Variants in LRP6 observed in about 807,000 individuals in gnomAD.
LRP6 encodes the protein LDL receptor related protein 6.
A neutral mutation model predicts 184.1 loss-of-function variants in LRP6; 43 were observed. The ratio of observed to expected loss-of-function variants is 0.23; its 90% CI spans 0.18 to 0.30. LRP6 has a LOEUF of 0.30. LRP6 is among the 10% of genes least tolerant of loss of function. The pLI is 1.00. For missense variants in LRP6, 1,571 were observed against 2,005.3 expected (o/e 0.78, Z 4.14); for synonymous variants, 719 against 684.9 (o/e 1.05, Z -0.78).
At chr12:12,152,331 T>G (rs1591890898) in intron 12 of LRP6, among the ~76,000 whole-genome samples, 2 of 152,060 alleles carry the variant, frequency 1.3e-5, no homozygotes, top group East Asian at 3.9e-4. Flanking sequence ...CGCATGAAAA[T>G]GAACTAATGC....
rs185314290 is a variant in LRP6 at position 12,190,270 on chromosome 12, A to C, written c.648-3151T>G. 1.5e-3 allele frequency among the ~76,000 whole-genome samples: 227 copies of C among 152,256 alleles called. 1 individual carries two copies. Among genetic ancestry groups the C allele is most frequent in the Non-Finnish European group, 2.6e-3 (180 of 68,014 alleles). On this transcript the variant is annotated intron_variant, in intron 3 of 22. Coordinates refer to ENST00000261349, the MANE Select transcript of LRP6 (RefSeq NM_002336.3). ...CTCCTGATCCCCATCTGGAAACACA[A>C]GTTACTTCAAGGAGGAGTTGATCAT...
chr12:12,185,057 G>A (rs1175573438), intron 4 of LRP6, among the ~76,000 whole-genome samples: 2 of 152,182 alleles, frequency 1.3e-5, no homozygotes, highest in East Asian at 1.9e-4. Context: ...CACTTTGGGA[G>A]GCCTAGGTGC....
rs869320638 is a variant in LRP6 at position 12,179,949 on chromosome 12, G to A, written c.1406C>T (p.Pro469Leu). The A allele has an allele frequency of 6.2e-7, 1 of 1,613,534 alleles. No individual in the cohort carries two copies. Among genetic ancestry groups the A allele is most frequent in the Non-Finnish European group, 8.5e-7 (1 of 1,179,822 alleles). Reference protein sequence around the residue: ...YMYWTDWGEIPKIERAALDGS... With the variant: ...YMYWTDWGEILKIERAALDGS... ...ATCCAGAGCTGCTCGCTCAATTTTC[G>A]GAATTTCTCCCCAGTCAGTCCAATA... The change falls in exon 7 of 23, where the codon CCG (proline) becomes CTG (leucine). Residue 469 changes from proline (P) to leucine (L), a missense_variant. Physicochemically the swap from Pro to Leu is moderately conservative, Grantham distance 98 (BLOSUM62 -3). Transcript: ENST00000261349.
rs1565536633 is a variant in LRP6, at chr12:12,131,338, G to T, written c.3971-445C>A. ...TTAGCCAGGATGGTCTCTATCTCCTGACCTCGTGATCCGCCCGCCTCGGCC... is the reference window on the plus strand; with the variant it reads ...TTAGCCAGGATGGTCTCTATCTCCTTACCTCGTGATCCGCCCGCCTCGGCC... On this transcript the variant is annotated intron_variant, in intron 18 of 22. Coordinates refer to ENST00000261349, the MANE Select transcript of LRP6 (RefSeq NM_002336.3). 3.3e-5 allele frequency among the ~76,000 whole-genome samples: 5 copies of T among 151,950 alleles called. No individual in the cohort carries two copies. In the South Asian group the frequency reaches 1.0e-3, roughly 32 times the overall value.
intron 19 of LRP6, among the ~76,000 whole-genome samples, chr12:12,127,668 A>G (rs1949691464): frequency 6.6e-6 from 1 of 152,186 alleles, no homozygotes; most frequent in Non-Finnish European, 1.5e-5. Flanking sequence ...GAGGGCATCA[A>G]TATCAGAGGT....
Position 12,126,834 on chromosome 12 carries a change from A to ACAG in LRP6, c.4166_4168dup (p.Thr1389_Val1390insAla). On this transcript the variant is annotated inframe_insertion, in exon 20 of 23. Transcript: ENST00000261349. ...CAACATCCTCTGGCAGATAAAGTAT[A>ACAG]CAGTTCCAGACACAAAAATGGTGAC... The ACAG allele has an allele frequency of 6.2e-7, 1 of 1,614,178 alleles. No individual in the cohort carries two copies. Among genetic ancestry groups the ACAG allele is most frequent in the Non-Finnish European group, 8.5e-7 (1 of 1,179,998 alleles).
At chr12:12,136,447 G>T (rs1949840925) in intron 16 of LRP6, among the ~76,000 whole-genome samples, 1 of 152,208 alleles carries the variant, frequency 6.6e-6, no homozygotes, top group Non-Finnish European at 1.5e-5. Context: ...AAGGTAACTT[G>T]TAATACTATA....
intron 2 of LRP6, among the ~76,000 whole-genome samples, chr12:12,227,877 T>C (rs1864671780): frequency 6.6e-6 from 1 of 152,166 alleles, no homozygotes; most frequent in African/African-American, 2.4e-5. Context: ...CTGTTGTAAG[T>C]CCAAAACTGT....
At chr12:12,175,367 C>T (rs1416915694) in intron 7 of LRP6, among the ~76,000 whole-genome samples, 3 of 151,602 alleles carry the variant, frequency 2.0e-5, no homozygotes, top group African/African-American at 7.3e-5. Context: ...CCAGCCTGGG[C>T]GACAGAGTGA....
chr12:12,173,896 T>TA (rs1023025732), intron 7 of LRP6, among the ~76,000 whole-genome samples: 141 of 152,278 alleles, frequency 9.3e-4, no homozygotes, highest in African/African-American at 3.1e-3. Flanking sequence ...CAATGAACAT[T>TA]AAGTCCAAAC....
At chr12:12,218,476 CAATAAT>C (rs71435901) in intron 2 of LRP6, among the ~76,000 whole-genome samples, 9,463 of 139,874 alleles carry the variant, frequency 0.068, 416 homozygotes, top group Admixed American at 0.12. Context: ...GACCCTCTCT[CAATAAT>C]AATAATAATA....
Position 12,184,053 on chromosome 12 carries a change from T to G in LRP6, c.903A>C (p.Pro301=), listed in dbSNP as rs1285233915. ...AAGCACACTGATAAAAAGGCTTGACTGGAGACATCAAACACAAATGGGAAC... is the reference window on the plus strand; with the variant it reads ...AAGCACACTGATAAAAAGGCTTGACGGGAGACATCAAACACAAATGGGAAC... ...GGCSHLCLMS[P]VKPFYQCACP... Residue 301 remains proline (P), a synonymous_variant, in exon 5 of 23, where the codon CCA becomes CCC. Transcript: ENST00000261349. 6.2e-7 allele frequency: 1 copy of G among 1,613,770 alleles called. No individual in the cohort carries two copies. Among genetic ancestry groups the G allele is most frequent in the Non-Finnish European group, 8.5e-7 (1 of 1,179,636 alleles).
intron 1 of LRP6, among the ~76,000 whole-genome samples, chr12:12,251,357 T>G (rs532233279): frequency 1.3e-5 from 2 of 151,802 alleles, no homozygotes; most frequent in African/African-American, 4.8e-5. Context: ...CAGTTATTAG[T>G]TTGTCTTTTT....
At chr12:12,227,749 CA>C (rs1057304483) in intron 2 of LRP6, among the ~76,000 whole-genome samples, 1 of 151,902 alleles carries the variant, frequency 6.6e-6, no homozygotes, top group Non-Finnish European at 1.5e-5. Flanking sequence ...ACAGTTTGTT[CA>C]AAATAGTAAC....
chr12:12,168,926 A>C (rs570187076), intron 7 of LRP6, among the ~76,000 whole-genome samples: 1 of 152,178 alleles, frequency 6.6e-6, no homozygotes, highest in Non-Finnish European at 1.5e-5. Flanking sequence ...CAAACATGTT[A>C]ATATTTCTGC....
intron 17 of LRP6, among the ~76,000 whole-genome samples, chr12:12,133,925 T>C (rs934873780): frequency 6.9e-6 from 1 of 145,816 alleles, no homozygotes; most frequent in Non-Finnish European, 1.5e-5. Flanking sequence ...TCAATGACAT[T>C]AAGTACATTC....
At chr12:12,241,704 CAA>C (rs1466596725) in intron 2 of LRP6, among the ~76,000 whole-genome samples, 4 of 152,132 alleles carry the variant, frequency 2.6e-5, no homozygotes, top group Non-Finnish European at 5.9e-5. Context: ...AAAAATAATA[CAA>C]AATATTTCAC....
chr12:12,138,549 A>G lies in LRP6; in HGVS notation c.3398-15T>C. On this transcript the variant is annotated splice_polypyrimidine_tract_variant and intron_variant, in intron 15 of 22. Coordinates refer to ENST00000261349, the MANE Select transcript of LRP6 (RefSeq NM_002336.3). ...CCGGTTAGCACCTTGGAAAAGGAGA[A>G]AATTCAACAGAAATGACTCATGTGG... 6.2e-7 allele frequency: 1 copy of G among 1,605,206 alleles called. No individual in the cohort carries two copies. Among genetic ancestry groups the G allele is most frequent in the East Asian group, 2.2e-5 (1 of 44,824 alleles).
intron 7 of LRP6, among the ~76,000 whole-genome samples, chr12:12,166,963 G>T (rs1225913747): frequency 3.9e-5 from 6 of 152,132 alleles, no homozygotes; most frequent in African/African-American, 1.4e-4. Flanking sequence ...GTCAAGCATG[G>T]TGTGGTAAGC....
Sources: gnomAD v4.1 joint callset for allele counts (sites outside exome capture counted in the v4.1 genomes callset) on GRCh38, gnomAD v4.1.1 for gene constraint, MANE v1.5 for transcripts, NCBI Gene and HGNC (gene_info 2026-07-23, HGNC 2026-07-21) for gene names.